LARP4B: variants seen among roughly 807,000 people sequenced by gnomAD.
The protein encoded by LARP4B is La ribonucleoprotein 4B.
In LARP4B, 12 loss-of-function variants were observed where a neutral mutation model predicts 89.8. The ratio of observed to expected loss-of-function variants is 0.13; its 90% CI spans 0.09 to 0.22. The LOEUF is 0.22. Among genes scored for constraint, LARP4B ranks in the 10% least tolerant of loss-of-function variants. The pLI is 1.00. For missense variants in LARP4B, 757 were observed against 947.7 expected (o/e 0.80, Z 2.64); for synonymous variants, 367 against 363.3 (o/e 1.01, Z -0.12).
intron 7 of LARP4B, 66 bp downstream of exon 7, chr10:842,866 G>C: frequency 1.4e-6 from 2 of 1,462,848 alleles, no homozygotes; most frequent in African/African-American, 2.8e-5. Context: ...TAGATTTAAA[G>C]GTTCATGCTG....
chr10:818,391 C>T (rs570624416), intron 14 of LARP4B: 2 of 152,254 alleles, frequency 1.3e-5, no homozygotes, highest in Non-Finnish European at 2.9e-5. Context: ...ATTTTACACA[C>T]GTGCATCAAA....
chr10:850,503 A>G (rs769771323), intron 5 of LARP4B, among the ~76,000 whole-genome samples: 4 of 152,234 alleles, frequency 2.6e-5, no homozygotes, highest in Non-Finnish European at 4.4e-5. Context: ...GATAAAACTA[A>G]AAGGATAAAC....
At chr10:973,374 C>T in the LARP4B span, among the ~76,000 whole-genome samples, 76,362 of 151,264 alleles carry the variant, frequency 0.5, 19,542 homozygotes, top group East Asian at 0.62. Context: ...TTTTTTGAGA[C>T]GGAGTCTTGC....
the LARP4B span, among the ~76,000 whole-genome samples, chr10:981,139 A>G: frequency 6.6e-6 from 1 of 152,232 alleles, no homozygotes; most frequent in Non-Finnish European, 1.5e-5. Flanking sequence ...GCTAAGGCAT[A>G]ACAAGGGTGA....
At chr10:945,522 T>C in the LARP4B span, among the ~76,000 whole-genome samples, 2 of 128,594 alleles carry the variant, frequency 1.6e-5, no homozygotes, top group Non-Finnish European at 3.4e-5. Flanking sequence ...CCGTCTCTAC[T>C]AAAAATACAA....
chr10:879,354 G>A (rs1007128300), intron 3 of LARP4B, among the ~76,000 whole-genome samples: 10 of 152,212 alleles, frequency 6.6e-5, no homozygotes, highest in African/African-American at 2.2e-4. Flanking sequence ...ACCAAGAACC[G>A]TGCATACACT....
In LARP4B at chr10:814,305, C is replaced by A; in HGVS notation, c.1929+437G>T. ...GTAGGGAAAACAGCAGAAAGGAAGT[C>A]GCTGGGGTTCAGGCCTGCTGGGCCC... is the stretch of plus-strand genomic sequence containing the variant. On this transcript the variant is annotated intron_variant, in intron 17 of 17. Coordinates refer to ENST00000316157, the MANE Select transcript of LARP4B (RefSeq NM_015155.3). This position sits in a 1 kb window ranked among gnomAD's most constrained non-coding sequence, Gnocchi z 4.4. 1 of 278,090 alleles carries A rather than the reference C, an allele frequency of 3.6e-6. No individual in the cohort carries two copies. 17.2% of individuals were successfully genotyped at this position (278,090 alleles called of 1,614,324 possible).
chr10:865,900 T>A (rs1834874773), intron 3 of LARP4B, among the ~76,000 whole-genome samples: 1 of 152,174 alleles, frequency 6.6e-6, no homozygotes, highest in East Asian at 1.9e-4. Flanking sequence ...TACACTGCAC[T>A]ACCCCAGCAT....
chr10:929,604 GGA>G, intron 1 of LARP4B, among the ~76,000 whole-genome samples: 1 of 151,860 alleles, frequency 6.6e-6, no homozygotes, highest in South Asian at 2.1e-4. Flanking sequence ...ACTCGGGGGG[GGA>G]AGAAAAAAAT....
the LARP4B span, among the ~76,000 whole-genome samples, chr10:965,889 G>A: frequency 6.6e-6 from 1 of 152,090 alleles, no homozygotes; most frequent in South Asian, 2.1e-4. Flanking sequence ...CAGAGCTCAG[G>A]CCCCTTCCCG....
chr10:914,603 T>C (rs530294165), intron 1 of LARP4B, among the ~76,000 whole-genome samples: 1 of 151,792 alleles, frequency 6.6e-6, no homozygotes, highest in East Asian at 1.9e-4. Flanking sequence ...AAGACCAACC[T>C]GACCAACATG....
chr10:960,677 C>T, the LARP4B span, among the ~76,000 whole-genome samples: 11 of 123,152 alleles, frequency 8.9e-5, no homozygotes, highest in Admixed American at 8.5e-4. Context: ...CACTGCACTC[C>T]AGCCAGGGCA....
chr10:876,564 T>C (rs1835461163), intron 3 of LARP4B, among the ~76,000 whole-genome samples: 1 of 152,092 alleles, frequency 6.6e-6, no homozygotes, highest in Non-Finnish European at 1.5e-5. Context: ...CAGGGTTGGC[T>C]CCCCAGGGCC....
chr10:812,627 T>TA lies in LARP4B; in HGVS notation c.*298dup, dbSNP rs1831798350. On this transcript the variant is annotated 3_prime_UTR_variant, in exon 18 of 18. Transcript: ENST00000316157. ...CATTCAGAGCCACATGGAGGCTTAATAAAAAATACCAATTTGTTAGGATAA... is the reference window on the plus strand; with the variant it reads ...CATTCAGAGCCACATGGAGGCTTAATAAAAAAATACCAATTTGTTAGGATAA... The TA allele has an allele frequency of 2.1e-5, 5 of 240,514 alleles. No homozygotes were observed. The highest frequency in any genetic ancestry group is 2.2e-5 in the African/African-American group (1 of 44,620). The allele number at this position is 240,514 out of a possible 1,614,324, so 14.9% of individuals were successfully genotyped here. A position where few individuals can be genotyped will look rare whatever the true frequency, so the allele number is the denominator to read the frequency against.
chr10:817,746 T>G lies in LARP4B; in HGVS notation c.1674A>C (p.Ile558=). Residue 558 remains isoleucine (I), a synonymous_variant, in exon 15 of 18, where the codon ATA becomes ATC. Coordinates refer to ENST00000316157, the MANE Select transcript of LARP4B (RefSeq NM_015155.3). ...TTACCCTTTCTTTGGATGGTCCTAT[T>G]ATCAAGCTAGATAGCCTGTTTTCAA... The part of the protein sequence containing the change: ...DLFENRLSSL[I]IGPSKERTLS... 6.2e-7 allele frequency: 1 copy of G among 1,614,226 alleles called. No individual in the cohort carries two copies.
chr10:939,302 G>A, the LARP4B span, among the ~76,000 whole-genome samples: 1 of 152,198 alleles, frequency 6.6e-6, no homozygotes, highest in Non-Finnish European at 1.5e-5. Flanking sequence ...TGAAGGAACC[G>A]CAAGGGTGAG....
At chr10:923,475 A>G (rs1162264193) in intron 1 of LARP4B, among the ~76,000 whole-genome samples, 1 of 151,266 alleles carries the variant, frequency 6.6e-6, no homozygotes, top group Admixed American at 6.6e-5. Flanking sequence ...CCCCAACCTG[A>G]CCAAACTTTC....
At chr10:874,130 AG>A (rs903582448) in intron 3 of LARP4B, among the ~76,000 whole-genome samples, 92 of 152,184 alleles carry the variant, frequency 6.0e-4, no homozygotes, top group African/African-American at 2.2e-3. Context: ...GCTACTCGGA[AG>A]GCTGAGGCAG....
Position 825,293 on chromosome 10 carries a change from C to G in LARP4B, c.1256G>C (p.Arg419Pro). Residue 419 changes from arginine to proline, a missense_variant, in exon 13 of 18, where the codon CGG (arginine) becomes CCG (proline). By Grantham distance (103) the Arg-to-Pro change is moderately radical (BLOSUM62 -2). Transcript: ENST00000316157. The stretch of plus-strand genomic sequence containing the variant: ...CCTCTCTGCACTAGGAATCGCATGC[C>G]GCAGATGAGATTTACTAGGATTCCT... ...RSRNPSKSHL[R>P]HAIPSAERGP... 1 of 1,613,968 alleles carries G rather than the reference C, an allele frequency of 6.2e-7. No individual in the cohort carries two copies. The highest frequency in any genetic ancestry group is 8.5e-7 in the Non-Finnish European group (1 of 1,179,922).
Sources: allele counts gnomAD v4.1 joint callset (sites outside exome capture counted in the v4.1 genomes callset), GRCh38; gene constraint gnomAD v4.1.1; non-coding constraint Gnocchi (gnomAD v3.1); transcripts MANE v1.5; gene names NCBI Gene and HGNC (gene_info 2026-07-23, HGNC 2026-07-21).